The following ULK4 variants were observed in gnomAD, a reference collection of about 807,000 sequenced individuals.
The protein encoded by ULK4 is inactive serine/threonine-protein kinase ULK4.
A neutral mutation model predicts 160.6 loss-of-function variants in ULK4; 133 were observed. The observed-to-expected ratio is 0.83, with a 90% confidence interval of 0.72 to 0.96. The LOEUF (loss-of-function observed/expected upper bound fraction) is 0.96, where lower values mean the gene tolerates loss of function less well. Ranked by LOEUF, ULK4 falls within the 40% of genes least tolerant of loss-of-function variation. The probability of loss-of-function intolerance (pLI) is 0.00; values close to 1 mark genes in which losing one functional copy is unlikely to be tolerated. For missense variants in ULK4, 1,580 were observed against 1,499.5 expected, an observed-to-expected ratio of 1.05 and a Z score of -0.89; for synonymous variants, 534 against 539.8, an observed-to-expected ratio of 0.99 and a Z score of 0.15.
At chr3:41,825,916 CG>C (rs2041330070) in intron 18 of ULK4, among the ~76,000 whole-genome samples, 1 of 152,162 alleles carries the variant, frequency 6.6e-6, no homozygotes, top group Non-Finnish European at 1.5e-5. Context: ...AGAGAAAGGT[CG>C]GGTTACCCAC....
chr3:41,849,444 G>A (rs1225386097), intron 17 of ULK4, among the ~76,000 whole-genome samples: 1 of 152,154 alleles, frequency 6.6e-6, no homozygotes, highest in Non-Finnish European at 1.5e-5. Context: ...AAAAGGCAAC[G>A]CCATGAAGAC....
At chr3:41,824,143 A>T (rs2041249899) in intron 18 of ULK4, among the ~76,000 whole-genome samples, 1 of 142,158 alleles carries the variant, frequency 7.0e-6, no homozygotes, top group African/African-American at 2.7e-5. Flanking sequence ...AGCCTGGGTG[A>T]GAGAATGAGA....
intron 27 of ULK4, among the ~76,000 whole-genome samples, chr3:41,703,858 AC>A (rs2036769195): frequency 6.6e-6 from 1 of 151,082 alleles, no homozygotes; most frequent in African/African-American, 2.5e-5. Context: ...ACACACACAC[AC>A]ACACACACAC....
chr3:41,856,542 T>TACAC (rs2042349297), intron 17 of ULK4, among the ~76,000 whole-genome samples: 1 of 79,014 alleles, frequency 1.3e-5, no homozygotes, highest in Non-Finnish European at 2.2e-5. Flanking sequence ...TGTATGTATA[T>TACAC]ATATATGTGT....
intron 32 of ULK4, among the ~76,000 whole-genome samples, chr3:41,466,473 G>A (rs1400982864): frequency 1.3e-5 from 2 of 152,154 alleles, no homozygotes; most frequent in African/African-American, 4.8e-5. Flanking sequence ...GGGGAAAAGA[G>A]AGATCCTTGA....
chr3:41,722,456 C>A (rs1381020500), intron 22 of ULK4, among the ~76,000 whole-genome samples: 1 of 152,028 alleles, frequency 6.6e-6, no homozygotes, highest in East Asian at 1.9e-4. Context: ...TGGAGAAACC[C>A]CGTCTCCACC....
At chr3:41,526,600 A>G (rs1011528276) in intron 32 of ULK4, among the ~76,000 whole-genome samples, 2 of 152,170 alleles carry the variant, frequency 1.3e-5, no homozygotes, top group Admixed American at 1.3e-4. Context: ...CACCATAGGG[A>G]CATCACTGCC....
At chr3:41,599,450 T>C (rs1194157131) in intron 31 of ULK4, among the ~76,000 whole-genome samples, 1 of 152,160 alleles carries the variant, frequency 6.6e-6, no homozygotes, top group Non-Finnish European at 1.5e-5. Context: ...GGCATGGACA[T>C]CTTGGAAGGT....
chr3:41,266,515 G>A (rs1282928916), intron 35 of ULK4, among the ~76,000 whole-genome samples: 5 of 152,030 alleles, frequency 3.3e-5, no homozygotes, highest in South Asian at 2.1e-4. Context: ...GAGCTACCAC[G>A]GGGGAATTCT....
chr3:41,819,489 GTTC>G lies in ULK4; in HGVS notation c.1779_1781del (p.Lys593del), dbSNP rs767679443. ...AGGGAACAGCCCAGCACTCTCTAGGGTTCTTTTTTTTTTCTTCCTAAAATGAAG... is the reference window on the plus strand; with the variant it reads ...AGGGAACAGCCCAGCACTCTCTAGGGTTTTTTTTTTCTTCCTAAAATGAAG... On this transcript the variant is annotated inframe_deletion, in exon 19 of 37. Transcript: ENST00000301831. 1.2e-6 allele frequency: 2 copies of G among 1,607,346 alleles called. No homozygotes were observed. The highest frequency in any genetic ancestry group is 2.2e-5 in the East Asian group (1 of 44,842).
chr3:41,488,695 G>A (rs1277414022), intron 32 of ULK4, among the ~76,000 whole-genome samples: 1 of 152,170 alleles, frequency 6.6e-6, no homozygotes, highest in Non-Finnish European at 1.5e-5. Context: ...GTAACACCAA[G>A]TGAAACTCTT....
intron 19 of ULK4, among the ~76,000 whole-genome samples, chr3:41,804,734 T>G (rs1575738472): frequency 6.6e-6 from 1 of 152,214 alleles, no homozygotes; most frequent in East Asian, 1.9e-4. Context: ...ATTTATTAAA[T>G]AGGGAATGCT....
chr3:41,484,859 TG>T (rs2084468086), intron 32 of ULK4, among the ~76,000 whole-genome samples: 1 of 152,214 alleles, frequency 6.6e-6, no homozygotes, highest in South Asian at 2.1e-4. Context: ...AGTCAGATTG[TG>T]GTAAATGAAT....
chr3:41,494,940 C>G (rs2084930716), intron 32 of ULK4, among the ~76,000 whole-genome samples: 1 of 151,992 alleles, frequency 6.6e-6, no homozygotes, highest in African/African-American at 2.4e-5. Flanking sequence ...AGGATACAAA[C>G]AAATGGAAGA....
intron 31 of ULK4, among the ~76,000 whole-genome samples, chr3:41,575,107 T>C (rs1053463720): frequency 6.6e-6 from 1 of 152,224 alleles, no homozygotes; most frequent in Non-Finnish European, 1.5e-5. Context: ...AACATTCTCA[T>C]GGCTTTTTGT....
Position 41,537,670 on chromosome 3 carries a change from C to A in ULK4, c.3226+28355G>T, listed in dbSNP as rs76457248. ...TTAAATGCAAGATACTTACTAATTC[C>A]AGAAATAAAATATCATTGGGATCAA... On this transcript the variant is annotated intron_variant, in intron 32 of 36. Transcript: ENST00000301831. Among the ~76,000 whole-genome samples the A allele has an allele frequency of 6.4e-3, 967 of 152,246 alleles. 3 individuals are homozygous for A. Among genetic ancestry groups the A allele is most frequent in the Non-Finnish European group, 0.011 (779 of 68,012 alleles).
rs34582395 is a variant in ULK4 at position 41,746,272 on chromosome 3, C to CAAAAAAAAAAAAAAAA, written c.2321+8073_2321+8088dup. On this transcript the variant is annotated intron_variant, in intron 22 of 36. Coordinates refer to ENST00000301831, the MANE Select transcript of ULK4 (RefSeq NM_017886.4). The stretch of plus-strand genomic sequence containing the variant: ...TATATAGAAAATCTCCTGGAACCCA[C>CAAAAAAAAAAAAAAAA]AAAAAAAAAAAAAAAAAAAAAAAAC... Among the ~76,000 whole-genome samples the CAAAAAAAAAAAAAAAA allele has an allele frequency of 1.3e-3, 59 of 45,716 alleles. 3 individuals are homozygous for CAAAAAAAAAAAAAAAA. The highest frequency in any genetic ancestry group is 6.1e-3 in the African/African-American group (57 of 9,402). 30.0% of individuals were successfully genotyped at this position (45,716 alleles called of 152,430 possible).
chr3:41,384,314 T>TG (rs1177581127), intron 35 of ULK4, among the ~76,000 whole-genome samples: 2 of 150,796 alleles, frequency 1.3e-5, no homozygotes, highest in Non-Finnish European at 3.0e-5. Flanking sequence ...CAATTTCATA[T>TG]GGAAAAAAAA....
chr3:41,572,219 A>G (rs2088002725), intron 31 of ULK4, among the ~76,000 whole-genome samples: 1 of 152,158 alleles, frequency 6.6e-6, no homozygotes, highest in African/African-American at 2.4e-5. Context: ...CCTAGTGATC[A>G]GAGGAGGGCA....
Sources: allele counts gnomAD v4.1 joint callset (sites outside exome capture counted in the v4.1 genomes callset), GRCh38; gene constraint gnomAD v4.1.1; transcripts MANE v1.5; gene names NCBI Gene and HGNC (gene_info 2026-07-23, HGNC 2026-07-21).